Variants in TBP observed in about 807,000 individuals in gnomAD.
TBP encodes the protein TATA-box-binding protein.
TBP carries 12 observed loss-of-function variants against 46.2 expected under a neutral mutation model. The ratio of observed to expected loss-of-function variants is 0.26; its 90% CI spans 0.17 to 0.42. The LOEUF (loss-of-function observed/expected upper bound fraction) is 0.42, where lower values mean the gene tolerates loss of function less well. Ranked by LOEUF, TBP falls within the 10% of genes least tolerant of loss-of-function variation. The probability of loss-of-function intolerance (pLI) is 1.00; values close to 1 mark genes in which losing one functional copy is unlikely to be tolerated. For synonymous variants in TBP, 157 were observed against 148.3 expected (o/e 1.06, Z -0.42); for missense variants, 229 against 403.1 (o/e 0.57, Z 3.70).
At chr6:170,559,213 A>G (rs2114991560) in intron 2 of TBP, among the ~76,000 whole-genome samples, 1 of 152,276 alleles carries the variant, frequency 6.6e-6, no homozygotes, top group African/African-American at 2.4e-5. Flanking sequence ...AGTGACTTTT[A>G]ATTAAGTGTT....
intron 5 of TBP, among the ~76,000 whole-genome samples, chr6:170,569,107 C>G (rs1023923090): frequency 6.6e-6 from 1 of 152,186 alleles, no homozygotes; most frequent in Non-Finnish European, 1.5e-5. Flanking sequence ...AGCCACCATG[C>G]CTGGCCCACA....
chr6:170,559,202 C>G (rs926312842), intron 2 of TBP, among the ~76,000 whole-genome samples: 1 of 152,134 alleles, frequency 6.6e-6, no homozygotes, highest in African/African-American at 2.4e-5. Flanking sequence ...AATAACCTTA[C>G]AGTGACTTTT....
In TBP at chr6:170,561,964, GC is replaced by G; in HGVS notation, c.229del (p.Gln77SerfsTer67). On this transcript the variant is annotated frameshift_variant, in exon 3 of 8. Transcript: ENST00000392092. LOFTEE classifies it high-confidence loss of function. ...AGCAGCAGCAGCAACAGCAACAGCA[GC>G]AGCAGCAGCAGCAGCAGCAGCAGCA... ...QQQQQQQQQQ[Q>X]QQQQQQQQQQ... 1.1e-6 allele frequency: 1 copy of G among 880,792 alleles called. No homozygotes were observed. The allele number at this position is 880,792 out of a possible 1,614,324, so 54.6% of individuals were successfully genotyped here.
chr6:170,555,941 C>CA (rs530726853), intron 1 of TBP, among the ~76,000 whole-genome samples: 166 of 150,448 alleles, frequency 1.1e-3, no homozygotes, highest in African/African-American at 3.3e-3. Context: ...GGATAACTGT[C>CA]AAAAAAAAAG....
chr6:170,564,667 C>A (rs746721960), intron 4 of TBP, 35 bp downstream of exon 4: 2 of 1,365,724 alleles, frequency 1.5e-6, no homozygotes, highest in Non-Finnish European at 2.0e-6. Context: ...TTTTTTTTTT[C>A]TTTTTTGTCT....
chr6:170,571,595 A>G, intron 7 of TBP, 91 bp downstream of exon 7: 1 of 985,698 alleles, frequency 1.0e-6, no homozygotes, highest in Non-Finnish European at 1.6e-6. Context: ...CAGTGTTCGG[A>G]CAGTGGGCTA....
chr6:170,570,505 C>T (rs528511098), intron 6 of TBP, among the ~76,000 whole-genome samples: 13 of 152,168 alleles, frequency 8.5e-5, no homozygotes, highest in Admixed American at 4.6e-4. Flanking sequence ...TCAGTCTCTC[C>T]GAACTGAGAA....
intron 5 of TBP, among the ~76,000 whole-genome samples, chr6:170,569,278 A>G (rs575222163): frequency 6.0e-4 from 92 of 152,364 alleles, no homozygotes; most frequent in African/African-American, 2.1e-3. Context: ...ATCAAAATGA[A>G]GTTTGTTAGT....
chr6:170,560,111 AAGG>A (rs1779114053), intron 2 of TBP, among the ~76,000 whole-genome samples: 1 of 152,244 alleles, frequency 6.6e-6, no homozygotes, highest in East Asian at 1.9e-4. Context: ...GGAGAAGAAC[AAGG>A]AGATTAATAT....
intron 2 of TBP, 46 bp downstream of exon 2, chr6:170,557,129 T>C (rs1779044052): frequency 2.6e-6 from 4 of 1,545,172 alleles, no homozygotes; most frequent in South Asian, 1.1e-5. Flanking sequence ...AAATCTGAAC[T>C]GCAAGAGATG....
intron 2 of TBP, among the ~76,000 whole-genome samples, chr6:170,559,723 A>G (rs554007267): frequency 2.0e-5 from 3 of 152,366 alleles, no homozygotes; most frequent in African/African-American, 4.8e-5. Flanking sequence ...TATACTAAAT[A>G]ATAGATTTTT....
chr6:170,559,073 A>G (rs1583125461), intron 2 of TBP, among the ~76,000 whole-genome samples: 1 of 152,232 alleles, frequency 6.6e-6, no homozygotes, highest in East Asian at 1.9e-4. Context: ...CTGCACCTGT[A>G]TAATACAGGA....
intron 2 of TBP, among the ~76,000 whole-genome samples, 166 bp from the exon 3 acceptor site, chr6:170,561,625 G>A (rs1779139206): frequency 6.6e-6 from 1 of 152,122 alleles, no homozygotes. Context: ...AAAGAAGAAA[G>A]CAATGTGTAT....
rs566865193 is a variant in TBP, at chr6:170,557,196, G to GT, written c.54+119dup. 1.8e-4 allele frequency: 182 copies of GT among 1,008,824 alleles called. No individual in the cohort carries two copies. In the African/African-American group the frequency reaches 2.7e-3, roughly 15 times the overall value. 62.5% of individuals were successfully genotyped at this position (1,008,824 alleles called of 1,614,324 possible). A position where few individuals can be genotyped will look rare whatever the true frequency, so the allele number is the denominator to read the frequency against. The stretch of plus-strand genomic sequence containing the variant: ...TCTGTTTTTGAAAATGGTTTAATAT[G>GT]TTTTTTAAGCCTTATTTTGTTGAGA... On this transcript the variant is annotated intron_variant, in intron 2 of 7. Transcript: ENST00000392092.
At chr6:170,562,287 G>A (rs978979558) in intron 3 of TBP, 54 bp downstream of exon 3, 1 of 1,539,716 alleles carries the variant, frequency 6.5e-7, no homozygotes, top group Admixed American at 1.8e-5. Flanking sequence ...TTTGAGTTAT[G>A]TTCCTGCTCT....
intron 3 of TBP, among the ~76,000 whole-genome samples, chr6:170,563,891 T>G (rs779244759): frequency 1.4e-4 from 21 of 152,226 alleles, no homozygotes; most frequent in Non-Finnish European, 2.9e-4. Flanking sequence ...ATAGAGTTGC[T>G]TTTTAGTATA....
chr6:170,566,690 A>G (rs1414221071), intron 4 of TBP, among the ~76,000 whole-genome samples: 3 of 152,256 alleles, frequency 2.0e-5, no homozygotes, highest in Non-Finnish European at 2.9e-5. Flanking sequence ...GATTTGGTAT[A>G]ACTTAGTCAC....
rs1583123752 is a variant in TBP, at chr6:170,556,946, C to T, written c.-84C>T. ...TGAGGAAGTTGCTGAGAAGAGTGTG[C>T]TGGAGATGCTCTAGGAAAAAATTGA... On this transcript the variant is annotated 5_prime_UTR_variant, in exon 2 of 8. Coordinates refer to ENST00000392092, the MANE Select transcript of TBP (RefSeq NM_003194.5). 7.7e-7 allele frequency: 1 copy of T among 1,296,490 alleles called. No individual in the cohort carries two copies. Among genetic ancestry groups the T allele is most frequent in the East Asian group, 2.3e-5 (1 of 43,258 alleles). 80.3% of individuals were successfully genotyped at this position (1,296,490 alleles called of 1,614,324 possible).
rs772346620 is a variant in TBP at position 170,572,314 on chromosome 6, T to A, written c.*49T>A. On this transcript the variant is annotated 3_prime_UTR_variant, in exon 8 of 8. Transcript: ENST00000392092. The stretch of plus-strand genomic sequence containing the variant: ...CCCCACCCCCTTCTTTTTTTTTTTT[T>A]AAACAAATCAGTTTGTTTTGGTACC... 54 of 1,315,924 alleles carry A rather than the reference T, an allele frequency of 4.1e-5. No individual in the cohort carries two copies. The highest frequency in any genetic ancestry group is 4.5e-5 in the Non-Finnish European group (42 of 929,302). 81.5% of individuals were successfully genotyped at this position (1,315,924 alleles called of 1,614,324 possible).
Sources: gnomAD v4.1 joint callset for allele counts (sites outside exome capture counted in the v4.1 genomes callset) on GRCh38, gnomAD v4.1.1 for gene constraint, MANE v1.5 for transcripts, NCBI Gene and HGNC (gene_info 2026-07-23, HGNC 2026-07-21) for gene names.